Variants in FAM83G observed in about 807,000 individuals in gnomAD.
FAM83G encodes protein FAM83G.
A neutral mutation model predicts 61.5 loss-of-function variants in FAM83G; 38 were observed. That is an observed-to-expected ratio of 0.62 (90% CI 0.48 to 0.81). The LOEUF is 0.81. Ranked by LOEUF, FAM83G falls within the 30% of genes least tolerant of loss-of-function variation. The pLI is 0.00. For synonymous variants in FAM83G, 470 were observed against 476.1 expected (o/e 0.99, Z 0.17); for missense variants, 989 against 1,133.6 (o/e 0.87, Z 1.83).
chr17:18,981,843 G>C (rs538546005), intron 3 of FAM83G, among the ~76,000 whole-genome samples: 1 of 152,344 alleles, frequency 6.6e-6, no homozygotes, highest in South Asian at 2.1e-4. Context: ...AGGACAATTA[G>C]CGCTCGTGAC....
At chr17:18,976,846 AC>A (rs1169681897) in intron 5 of FAM83G, 1 of 1,612,124 alleles carries the variant, frequency 6.2e-7, no homozygotes, top group Non-Finnish European at 8.5e-7. Context: ...CTCGCACTCC[AC>A]CCCCAGGTCA....
rs541102407 is a variant in FAM83G at position 19,000,795 on chromosome 17, G to A, written c.522+2725C>T. On this transcript the variant is annotated intron_variant, in intron 2 of 5. Coordinates refer to ENST00000388995, the MANE Select transcript of FAM83G (RefSeq NM_001039999.3). The surrounding 1 kb of genome is among the most constrained non-coding windows in gnomAD (Gnocchi z 5.2). ...GGAGGTGGAAGCATGGGCACGAGAGGTGATTCATGGGGAGAGATAAGGCAG... is the reference window on the plus strand; with the variant it reads ...GGAGGTGGAAGCATGGGCACGAGAGATGATTCATGGGGAGAGATAAGGCAG... Among the ~76,000 whole-genome samples, 3 of 152,318 alleles carry A rather than the reference G, an allele frequency of 2.0e-5. No homozygotes were observed. The highest frequency in any genetic ancestry group is 3.9e-4 in the East Asian group (2 of 5,174).
chr17:18,977,503 C>T, intron 5 of FAM83G, 81 bp downstream of exon 5: 3 of 1,361,104 alleles, frequency 2.2e-6, no homozygotes, highest in Non-Finnish European at 3.0e-6. Flanking sequence ...GACATGGTAG[C>T]CCAGAAGACA....
intron 2 of FAM83G, among the ~76,000 whole-genome samples, chr17:18,992,238 C>T (rs574428572): frequency 5.9e-4 from 90 of 152,290 alleles, no homozygotes; most frequent in African/African-American, 2.0e-3. Flanking sequence ...GCCTGTGTCT[C>T]GAATCCCCCA....
At chr17:18,994,873 G>C (rs1597880888) in intron 2 of FAM83G, among the ~76,000 whole-genome samples, 1 of 152,182 alleles carries the variant, frequency 6.6e-6, no homozygotes, top group Non-Finnish European at 1.5e-5. Context: ...AAATATCTAT[G>C]TTCTATTGTT....
chr17:18,979,843 C>A (rs1164727060), intron 3 of FAM83G, among the ~76,000 whole-genome samples, 170 bp from the exon 4 acceptor site: 1 of 152,098 alleles, frequency 6.6e-6, no homozygotes, highest in Non-Finnish European at 1.5e-5. Flanking sequence ...GACTGCAGGG[C>A]TCAGGGTAAG....
intron 3 of FAM83G, among the ~76,000 whole-genome samples, chr17:18,984,955 C>G (rs2043232978): frequency 1.3e-5 from 2 of 152,256 alleles, no homozygotes; most frequent in South Asian, 4.1e-4. Context: ...TGGGGAGACA[C>G]TGGTGCACGC....
At chr17:18,998,052 C>G (rs1296588835) in intron 2 of FAM83G, among the ~76,000 whole-genome samples, 1 of 152,208 alleles carries the variant, frequency 6.6e-6, no homozygotes, top group Non-Finnish European at 1.5e-5. Context: ...CCCAGTGATA[C>G]GGAAGCCTGT....
intron 2 of FAM83G, among the ~76,000 whole-genome samples, chr17:18,993,107 G>A (rs1196325019): frequency 3.3e-5 from 5 of 152,152 alleles, no homozygotes; most frequent in South Asian, 2.1e-4. Flanking sequence ...GGGAAACCAC[G>A]GGTGCACAGG....
rs1484881096 is a variant in FAM83G at position 18,996,048 on chromosome 17, T to C, written c.522+7472A>G. On this transcript the variant is annotated intron_variant, in intron 2 of 5. Coordinates refer to ENST00000388995, the MANE Select transcript of FAM83G (RefSeq NM_001039999.3). The surrounding 1 kb of genome is among the most constrained non-coding windows in gnomAD (Gnocchi z 4.4). ...AAACAACCAGAAGAGAAAAGACAAC[T>C]GCATGTCAAGGAACAAAGTAAGTGG... Among the ~76,000 whole-genome samples the C allele has an allele frequency of 6.6e-6, 1 of 150,484 alleles. No homozygotes were observed. The highest frequency in any genetic ancestry group is 1.5e-5 in the Non-Finnish European group (1 of 67,802).
rs1441199107 is a variant in FAM83G at position 18,979,679 on chromosome 17, T to C, written c.691-6A>G. 6.8e-6 allele frequency: 11 copies of C among 1,612,952 alleles called. No homozygotes were observed. Among genetic ancestry groups the C allele is most frequent in the Non-Finnish European group, 9.3e-6 (11 of 1,179,876 alleles). On this transcript the variant is annotated splice_region_variant and splice_polypyrimidine_tract_variant and intron_variant, in intron 3 of 5. Coordinates refer to ENST00000388995, the MANE Select transcript of FAM83G (RefSeq NM_001039999.3). ...CTGCTCCGCACTCTGAGATTCTGTT[T>C]TGGGAACCAAGAGACAGAATTACAC...
In FAM83G at chr17:19,003,859, C is replaced by T. The variant is rs771065426; in HGVS notation, c.183G>A (p.Glu61=). 1.9e-6 allele frequency: 3 copies of T among 1,612,942 alleles called. No individual in the cohort carries two copies. The Admixed American group carries it at 5.0e-5, about 27-fold the overall frequency. The change falls in exon 2 of 6, where the codon GAG becomes GAA. Residue 61 remains glutamate, a synonymous_variant. Coordinates refer to ENST00000388995, the MANE Select transcript of FAM83G (RefSeq NM_001039999.3). The surrounding 1 kb of genome is among the most constrained non-coding windows in gnomAD (Gnocchi z 4.5). ...KRENIRDFLS[E]LELKRILETI... The stretch of plus-strand genomic sequence containing the variant: ...TCTCCAGGATGCGCTTGAGCTCCAG[C>T]TCCGAGAGGAAGTCTCGGATGTTCT...
chr17:19,004,075 G>T lies in FAM83G; in HGVS notation c.-34C>A. 9 of 1,551,712 alleles carry T rather than the reference G, an allele frequency of 5.8e-6. No individual in the cohort carries two copies. Among genetic ancestry groups the T allele is most frequent in the South Asian group, 1.2e-5 (1 of 80,972 alleles). On this transcript the variant is annotated 5_prime_UTR_variant, in exon 2 of 6. Transcript: ENST00000388995. This position sits in a 1 kb window ranked among gnomAD's most constrained non-coding sequence, Gnocchi z 5.4. ...CTGCCCGGGCACTGCTGCCGGGGGT[G>T]GGTGGGCAAGGTCCAGCTCCTAGCT...
intron 5 of FAM83G, among the ~76,000 whole-genome samples, chr17:18,973,884 G>T (rs868536893): frequency 1.0e-4 from 10 of 95,720 alleles, no homozygotes; most frequent in East Asian, 9.4e-4. Flanking sequence ...TTTTTTTTAA[G>T]TTTTTTTTTT....
chr17:18,977,956 C>A lies in FAM83G; in HGVS notation c.1710G>T (p.Val570=), dbSNP rs1297609919. 1.9e-6 allele frequency: 3 copies of A among 1,599,574 alleles called. No homozygotes were observed. In the East Asian group the frequency reaches 6.7e-5, roughly 36 times the overall value. ...CCCCATCCAGCCCATTGGGGAGCCC[C>A]ACCCCGAGGCTCTCGGGGTCATCCT... The part of the protein sequence containing the change: ...VTQDDPESLG[V]GLPNGLDGVE... The change falls in exon 5 of 6, where the codon GTG becomes GTT. Residue 570 remains valine (V), a synonymous_variant. Transcript: ENST00000388995.
chr17:18,988,511 C>T (rs2043325824), intron 2 of FAM83G, 97 bp from the exon 3 acceptor site: 2 of 1,554,322 alleles, frequency 1.3e-6, no homozygotes, highest in Non-Finnish European at 1.7e-6. Context: ...CCACCAGCCT[C>T]TCACAGGTGC....
At chr17:18,997,146 G>C (rs892590419) in intron 2 of FAM83G, among the ~76,000 whole-genome samples, 2 of 152,274 alleles carry the variant, frequency 1.3e-5, no homozygotes, top group African/African-American at 4.8e-5. Flanking sequence ...GGCTGCAGTG[G>C]GTTGGGGTCA....
At chr17:18,989,031 C>T (rs1238117235) in intron 2 of FAM83G, among the ~76,000 whole-genome samples, 1 of 152,246 alleles carries the variant, frequency 6.6e-6, no homozygotes. Context: ...GGCTCAGTGA[C>T]TGTCAGGCTT....
In FAM83G at chr17:18,996,371, C is replaced by T. The variant is rs772416987; in HGVS notation, c.522+7149G>A. Among the ~76,000 whole-genome samples the T allele has an allele frequency of 9.1e-4, 138 of 152,282 alleles. No individual in the cohort carries two copies. Among genetic ancestry groups the T allele is most frequent in the Non-Finnish European group, 1.6e-3 (110 of 68,020 alleles). On this transcript the variant is annotated intron_variant, in intron 2 of 5. Transcript: ENST00000388995. The surrounding 1 kb of genome is among the most constrained non-coding windows in gnomAD (Gnocchi z 4.4). ...GTCCCACTCCCCCTCCCCTCCTCCTCCCCTCCAGGGGGCTGGCAGAATTAG... is the reference window on the plus strand; with the variant it reads ...GTCCCACTCCCCCTCCCCTCCTCCTTCCCTCCAGGGGGCTGGCAGAATTAG...
Sources: allele counts gnomAD v4.1 joint callset (sites outside exome capture counted in the v4.1 genomes callset), GRCh38; gene constraint gnomAD v4.1.1; non-coding constraint Gnocchi (gnomAD v3.1); transcripts MANE v1.5; gene names NCBI Gene and HGNC (gene_info 2026-07-23, HGNC 2026-07-21).